Variants in STPG2 observed in about 807,000 individuals in gnomAD.
STPG2 encodes sperm-tail PG-rich repeat-containing protein 2.
STPG2 carries 56 observed loss-of-function variants against 54.2 expected under a neutral mutation model. That is an observed-to-expected ratio of 1.03 (90% CI 0.83 to 1.29). The LOEUF (loss-of-function observed/expected upper bound fraction) is 1.29. STPG2 is among the 50% of genes most tolerant of loss of function. STPG2 has a pLI of 0.00. For synonymous variants in STPG2, 200 were observed against 181.8 expected (o/e 1.10, Z -0.81); for missense variants, 596 against 544.9 (o/e 1.09, Z -0.93).
intron 10 of STPG2, among the ~76,000 whole-genome samples, chr4:97,667,950 G>A (rs981836057): frequency 1.3e-5 from 2 of 152,078 alleles, no homozygotes; most frequent in South Asian, 2.1e-4. Context: ...TTGTCCCTCA[G>A]TAGAGTGGAA....
At chr4:97,628,193 T>C (rs144000286) in intron 10 of STPG2, among the ~76,000 whole-genome samples, 1,702 of 152,240 alleles carry the variant, frequency 0.011, 13 homozygotes, top group Non-Finnish European at 0.017. Context: ...AACAGTATTC[T>C]TGGAGAACTG....
chr4:97,955,464 C>A (rs536721969), intron 7 of STPG2, among the ~76,000 whole-genome samples: 12 of 152,238 alleles, frequency 7.9e-5, no homozygotes, highest in Admixed American at 7.2e-4. Flanking sequence ...ATCCACCCAT[C>A]TCGGCCTCCC....
At chr4:97,782,443 G>T (rs1007810872) in intron 9 of STPG2, among the ~76,000 whole-genome samples, 1 of 152,092 alleles carries the variant, frequency 6.6e-6, no homozygotes, top group African/African-American at 2.4e-5. Flanking sequence ...ACAAACAAAT[G>T]GAAGAACATT....
Position 97,833,277 on chromosome 4 carries a change from T to C in STPG2, c.1204+7496A>G, listed in dbSNP as rs1020342659. 3.9e-5 allele frequency among the ~76,000 whole-genome samples: 6 copies of C among 152,322 alleles called. No homozygotes were observed. The East Asian group carries it at 9.6e-4, about 24-fold the overall frequency. ...GGGGAAAGATTCCCTATTTAATAAA[T>C]GGTTTTGGGAAAACTGGCTAGCCAT... On this transcript the variant is annotated intron_variant, in intron 9 of 10. Transcript: ENST00000295268.
intron 8 of STPG2, among the ~76,000 whole-genome samples, chr4:97,888,588 G>T (rs1266316271): frequency 1.3e-5 from 2 of 152,166 alleles, no homozygotes; most frequent in Non-Finnish European, 2.9e-5. Context: ...ACTAGTTTTT[G>T]ATTTTACAGG....
intron 5 of STPG2, among the ~76,000 whole-genome samples, chr4:98,046,063 T>C (rs1322153766): frequency 3.5e-5 from 2 of 57,294 alleles, no homozygotes; most frequent in African/African-American, 1.5e-4. Flanking sequence ...TTTTTTTTTT[T>C]TGGCTCCTTT....
intron 7 of STPG2, among the ~76,000 whole-genome samples, chr4:97,970,044 G>T (rs1578743391): frequency 6.6e-6 from 1 of 152,158 alleles, no homozygotes; most frequent in African/African-American, 2.4e-5. Context: ...AATCATGAGT[G>T]AACTCCCATT....
intron 8 of STPG2, among the ~76,000 whole-genome samples, chr4:97,910,497 A>C (rs1315799762): frequency 6.6e-6 from 1 of 152,242 alleles, no homozygotes; most frequent in Non-Finnish European, 1.5e-5. Flanking sequence ...TAAACAGAAC[A>C]GAAAAGTACT....
intron 9 of STPG2, among the ~76,000 whole-genome samples, chr4:97,742,128 A>G (rs1235294588): frequency 6.6e-6 from 1 of 151,926 alleles, no homozygotes; most frequent in Non-Finnish European, 1.5e-5. Flanking sequence ...AAAACCAAAC[A>G]CCGCATATTC....
intron 4 of STPG2, among the ~76,000 whole-genome samples, chr4:97,529,543 T>C (rs886869183): frequency 4.6e-5 from 7 of 152,118 alleles, no homozygotes; most frequent in Admixed American, 1.3e-4. Flanking sequence ...TTTGGAATCG[T>C]TTCAGCAGGA....
chr4:97,486,546 G>A (rs181949928), intron 4 of STPG2, among the ~76,000 whole-genome samples: 73 of 151,800 alleles, frequency 4.8e-4, no homozygotes, highest in Middle Eastern at 6.8e-3. Flanking sequence ...AGTGAACAGG[G>A]AACACTTCTA....
At chr4:97,680,538 A>G (rs1028973665) in intron 10 of STPG2, among the ~76,000 whole-genome samples, 6 of 152,078 alleles carry the variant, frequency 3.9e-5, no homozygotes, top group Non-Finnish European at 5.9e-5. Flanking sequence ...GGCTGAGACA[A>G]TGGGGTTTTC....
intron 5 of STPG2, among the ~76,000 whole-genome samples, chr4:97,988,737 C>G (rs1460665926): frequency 6.6e-6 from 1 of 152,188 alleles, no homozygotes; most frequent in Non-Finnish European, 1.5e-5. Flanking sequence ...TCCTGAGTAG[C>G]TGGAACCACA....
At chr4:97,792,890 G>A (rs963939396) in intron 9 of STPG2, among the ~76,000 whole-genome samples, 3 of 152,078 alleles carry the variant, frequency 2.0e-5, no homozygotes, top group South Asian at 2.1e-4. Flanking sequence ...AGTGGCTCAC[G>A]TCTGTAATCG....
At chr4:97,501,238 G>A (rs960428717) in intron 4 of STPG2, among the ~76,000 whole-genome samples, 5 of 151,972 alleles carry the variant, frequency 3.3e-5, no homozygotes, top group Non-Finnish European at 5.9e-5. Flanking sequence ...TTAAAAGGTG[G>A]AAAATGTGTC....
chr4:97,970,047 C>T (rs1034624938), intron 7 of STPG2, among the ~76,000 whole-genome samples: 14 of 152,274 alleles, frequency 9.2e-5, no homozygotes, highest in African/African-American at 3.4e-4. Flanking sequence ...CATGAGTGAA[C>T]TCCCATTCAC....
intron 9 of STPG2, among the ~76,000 whole-genome samples, chr4:97,755,607 C>T (rs1169260959): frequency 3.3e-5 from 5 of 152,132 alleles, no homozygotes; most frequent in Admixed American, 2.0e-4. Context: ...AACTATCTGG[C>T]TCTCAAGAAT....
Position 97,800,815 on chromosome 4 carries a change from T to A in STPG2, c.1204+39958A>T, listed in dbSNP as rs187726528. Among the ~76,000 whole-genome samples the A allele has an allele frequency of 1.2e-4, 18 of 152,296 alleles. No individual in the cohort carries two copies. In the East Asian group the frequency reaches 3.5e-3, roughly 30 times the overall value. On this transcript the variant is annotated intron_variant, in intron 9 of 10. Coordinates refer to ENST00000295268, the MANE Select transcript of STPG2 (RefSeq NM_174952.3). ...CAGAGGCAGGCAGGCCTCCTTGAGC[T>A]GTGGTGGACTCCACCCAGTTTGAGC...
In STPG2 at chr4:97,889,838, G is replaced by A. The variant is rs552673385; in HGVS notation, c.1045-48906C>T. ...GTGACATACAATATTTTCTCAGTAC[G>A]AAAATGATAATAATGTGAGGTACTA... On this transcript the variant is annotated intron_variant, in intron 8 of 10. Coordinates refer to ENST00000295268, the MANE Select transcript of STPG2 (RefSeq NM_174952.3). 2.0e-4 allele frequency among the ~76,000 whole-genome samples: 31 copies of A among 152,180 alleles called. 1 individual carries two copies. The highest frequency in any genetic ancestry group is 7.8e-4 in the Admixed American group (12 of 15,294).
Sources: allele counts gnomAD v4.1 joint callset (sites outside exome capture counted in the v4.1 genomes callset), GRCh38; gene constraint gnomAD v4.1.1; transcripts MANE v1.5; gene names NCBI Gene and HGNC (gene_info 2026-07-23, HGNC 2026-07-21).